Variants in AKAP6 observed in about 807,000 individuals in gnomAD.
The protein encoded by AKAP6 is A-kinase anchor protein 6.
AKAP6 carries 58 observed loss-of-function variants against 188.5 expected under a neutral mutation model. That is an observed-to-expected ratio of 0.31 (90% CI 0.25 to 0.38). The LOEUF (loss-of-function observed/expected upper bound fraction) is 0.38. Ranked by LOEUF, AKAP6 falls within the 10% of genes least tolerant of loss-of-function variation. The probability of loss-of-function intolerance (pLI) is 1.00; values close to 1 mark genes in which losing one functional copy is unlikely to be tolerated. For missense variants in AKAP6, 2,710 were observed against 2,740.0 expected (o/e 0.99, Z 0.24); for synonymous variants, 989 against 998.6 (o/e 0.99, Z 0.18).
At chr14:32,552,198 G>A (rs1594737526) in intron 4 of AKAP6, among the ~76,000 whole-genome samples, 3 of 152,156 alleles carry the variant, frequency 2.0e-5, no homozygotes. Flanking sequence ...AAAGATGAAC[G>A]AACAATTTTT....
intron 1 of AKAP6, among the ~76,000 whole-genome samples, chr14:32,432,330 G>A (rs17409242): frequency 0.015 from 2,232 of 152,130 alleles, 24 homozygotes; most frequent in Middle Eastern, 0.024. Context: ...TACTAGACTC[G>A]TTCCAGAAGA....
intron 7 of AKAP6, among the ~76,000 whole-genome samples, chr14:32,608,982 A>G (rs1274402949): frequency 6.6e-6 from 1 of 152,224 alleles, no homozygotes; most frequent in East Asian, 1.9e-4. Flanking sequence ...AAATTCTTTG[A>G]AAGTGTGAAA....
At chr14:32,520,757 C>T (rs1197324661) in intron 2 of AKAP6, among the ~76,000 whole-genome samples, 1 of 152,156 alleles carries the variant, frequency 6.6e-6, no homozygotes, top group Non-Finnish European at 1.5e-5. Flanking sequence ...CCGAATTCTA[C>T]CAGAGGTACA....
intron 7 of AKAP6, among the ~76,000 whole-genome samples, chr14:32,653,302 C>G (rs940631352): frequency 2.0e-5 from 3 of 151,974 alleles, no homozygotes; most frequent in East Asian, 1.9e-4. Context: ...TGAACTCCAC[C>G]CAAATATCAT....
chr14:32,637,804 A>G (rs990198737), intron 7 of AKAP6, among the ~76,000 whole-genome samples: 2 of 152,058 alleles, frequency 1.3e-5, no homozygotes, highest in Non-Finnish European at 2.9e-5. Context: ...TGGCAAAAAT[A>G]TGATAATGGG....
intron 4 of AKAP6, among the ~76,000 whole-genome samples, chr14:32,555,739 A>T (rs1186758776): frequency 1.3e-5 from 2 of 152,154 alleles, no homozygotes; most frequent in Non-Finnish European, 2.9e-5. Flanking sequence ...GCATGTCCTT[A>T]AGGTTCATCC....
intron 1 of AKAP6, among the ~76,000 whole-genome samples, chr14:32,399,754 T>A (rs1005422165): frequency 4.6e-5 from 7 of 152,176 alleles, no homozygotes; most frequent in South Asian, 2.1e-4. Flanking sequence ...GGTTCTTTTT[T>A]AAAAATAGTA....
At chr14:32,569,101 A>G (rs1884342003) in intron 4 of AKAP6, among the ~76,000 whole-genome samples, 1 of 152,198 alleles carries the variant, frequency 6.6e-6, no homozygotes, top group South Asian at 2.1e-4. Flanking sequence ...TTGTGGATTC[A>G]GTGTAATATT....
chr14:32,820,756 G>A (rs1294126149), intron 12 of AKAP6, among the ~76,000 whole-genome samples: 1 of 152,150 alleles, frequency 6.6e-6, no homozygotes, highest in East Asian at 1.9e-4. Context: ...GAATAGTCAA[G>A]TGTTGCTAGT....
At chr14:32,638,272 G>A (rs909611578) in intron 7 of AKAP6, among the ~76,000 whole-genome samples, 2 of 152,084 alleles carry the variant, frequency 1.3e-5, no homozygotes, top group African/African-American at 4.8e-5. Flanking sequence ...CGGCAAGGAT[G>A]AGAGGCATAG....
intron 4 of AKAP6, among the ~76,000 whole-genome samples, chr14:32,561,452 A>T (rs986526850): frequency 2.0e-5 from 3 of 152,214 alleles, no homozygotes; most frequent in Non-Finnish European, 4.4e-5. Context: ...CTGAAATTTT[A>T]TGAGAGACTA....
intron 1 of AKAP6, among the ~76,000 whole-genome samples, chr14:32,343,746 CAAAA>C (rs56376110): frequency 1.5e-3 from 57 of 37,258 alleles, no homozygotes; most frequent in African/African-American, 4.9e-3. Context: ...GATTCCGTCT[CAAAA>C]AAAAAAAAAA....
chr14:32,494,511 T>A (rs1880208229), intron 2 of AKAP6: 1 of 152,186 alleles, frequency 6.6e-6, no homozygotes, highest in Non-Finnish European at 1.5e-5. Flanking sequence ...ATGTGTCACA[T>A]TGTAAAGGAG....
At chr14:32,646,282 A>G (rs1258112632) in intron 7 of AKAP6, among the ~76,000 whole-genome samples, 3 of 152,062 alleles carry the variant, frequency 2.0e-5, no homozygotes, top group African/African-American at 4.8e-5. Context: ...ATAGATCTAT[A>G]ATAGTACATA....
intron 7 of AKAP6, among the ~76,000 whole-genome samples, chr14:32,623,230 G>C (rs1886884976): frequency 6.6e-6 from 1 of 152,104 alleles, no homozygotes; most frequent in Non-Finnish European, 1.5e-5. Flanking sequence ...AATATTTGTT[G>C]TTGTTGTTAG....
At chr14:32,599,147 A>G (rs1487373463) in intron 5 of AKAP6, among the ~76,000 whole-genome samples, 1 of 152,176 alleles carries the variant, frequency 6.6e-6, no homozygotes, top group African/African-American at 2.4e-5. Flanking sequence ...CTCTTGATAT[A>G]GCCTACGGGA....
intron 1 of AKAP6, among the ~76,000 whole-genome samples, chr14:32,379,081 G>A (rs796891938): frequency 5.9e-5 from 9 of 151,972 alleles, no homozygotes; most frequent in African/African-American, 2.2e-4. Context: ...ACCACGCCTG[G>A]CTACTTTTTT....
Position 32,727,903 on chromosome 14 carries a change from T to C in AKAP6, c.3001-4551T>C, listed in dbSNP as rs375570100. Among the ~76,000 whole-genome samples the C allele has an allele frequency of 2.5e-4, 38 of 152,314 alleles. 2 individuals are homozygous for C. The South Asian group carries it at 7.2e-3, about 29-fold the overall frequency. On this transcript the variant is annotated intron_variant, in intron 9 of 13. Transcript: ENST00000280979. ...CAGTTTTGAACATCTTCTTGAAGTG[T>C]TGGTGGTACTGACTCCATGTGCAGC... is the stretch of plus-strand genomic sequence containing the variant.
rs1594774293 is a variant in AKAP6 at position 32,600,762 on chromosome 14, G to A, written c.2700G>A (p.Val900=). 6.2e-7 allele frequency: 1 copy of A among 1,611,502 alleles called. No individual in the cohort carries two copies. Among genetic ancestry groups the A allele is most frequent in the East Asian group, 2.2e-5 (1 of 44,806 alleles). The change falls in exon 7 of 14, where the codon GTG becomes GTA. Residue 900 remains valine, a synonymous_variant. Coordinates refer to ENST00000280979, the MANE Select transcript of AKAP6 (RefSeq NM_004274.5). ...KAEILATDVS[V]EDEEGTGSPK... ...AGATACTGGCTACTGATGTGTCTGT[G>A]GAGGATGAGGAAGGGACTGGAAGCC...
Sources: allele counts gnomAD v4.1 joint callset (sites outside exome capture counted in the v4.1 genomes callset), GRCh38; gene constraint gnomAD v4.1.1; transcripts MANE v1.5; gene names NCBI Gene and HGNC (gene_info 2026-07-23, HGNC 2026-07-21).